TLN2: variants seen among roughly 807,000 people sequenced by gnomAD.
TLN2 encodes talin 2, also known as talin-2.
In TLN2, 118 loss-of-function variants were observed where a neutral mutation model predicts 294.7. The observed-to-expected ratio is 0.40, with a 90% CI of 0.34 to 0.47. The LOEUF (loss-of-function observed/expected upper bound fraction) is 0.47, where lower values mean the gene tolerates loss of function less well. Among genes scored for constraint, TLN2 ranks in the 20% least tolerant of loss-of-function variants. TLN2 has a pLI of 0.84. For missense variants in TLN2, 3,083 were observed against 3,282.2 expected, an observed-to-expected ratio of 0.94 and a Z score of 1.48; for synonymous variants, 1,431 against 1,304.5, an observed-to-expected ratio of 1.10 and a Z score of -2.09.
intron 42 of TLN2, among the ~76,000 whole-genome samples, chr15:62,773,935 T>C (rs2063519136): frequency 6.6e-6 from 1 of 152,122 alleles, no homozygotes; most frequent in South Asian, 2.1e-4. Context: ...ACCGAGGCGT[T>C]TGCAGTGTAG....
Position 62,701,160 on chromosome 15 carries a change from T to G in TLN2, c.1642T>G (p.Ser548Ala). ...KVDESKHEIH[S>A]QVDAITAGTA... ...CGACGAATCCAAACACGAAATCCAT[T>G]CTCAAGTTGATGCTATCACGGCCGG... Residue 548 changes from serine (S) to alanine (A), a missense_variant, in exon 17 of 59, where the codon TCT becomes GCT. Ser to Ala is a moderately conservative substitution (Grantham distance 99). Transcript: ENST00000636159. 6.2e-7 allele frequency: 1 copy of G among 1,614,158 alleles called. No individual in the cohort carries two copies. Among genetic ancestry groups the G allele is most frequent in the Non-Finnish European group, 8.5e-7 (1 of 1,180,030 alleles).
chr15:62,830,391 G>A (rs1192699370), intron 54 of TLN2: 1 of 152,578 alleles, frequency 6.6e-6, no homozygotes, highest in East Asian at 1.9e-4. Context: ...CAGTCTCTCA[G>A]CTGCAGTGGG....
chr15:62,545,698 C>A (rs2041959060), intron 1 of TLN2, among the ~76,000 whole-genome samples: 1 of 152,164 alleles, frequency 6.6e-6, no homozygotes, highest in African/African-American at 2.4e-5. Context: ...AGCCTGAAAT[C>A]CATATTGCTC....
At chr15:62,440,100 G>A (rs978629509) in intron 1 of TLN2, among the ~76,000 whole-genome samples, 1 of 152,144 alleles carries the variant, frequency 6.6e-6, no homozygotes, top group African/African-American at 2.4e-5. Context: ...TGAAGAACCC[G>A]CCATGTGCTG....
intron 51 of TLN2, among the ~76,000 whole-genome samples, chr15:62,808,956 G>A (rs983725976): frequency 6.6e-6 from 1 of 152,188 alleles, no homozygotes; most frequent in Non-Finnish European, 1.5e-5. Flanking sequence ...GGGCTTGAGT[G>A]GATAAAACAT....
chr15:62,712,852 A>G (rs1303126242), intron 22 of TLN2, among the ~76,000 whole-genome samples: 4 of 152,204 alleles, frequency 2.6e-5, no homozygotes, highest in South Asian at 4.2e-4. Flanking sequence ...TTTATTGTGT[A>G]CCTAGCACAC....
chr15:62,774,940 GT>G (rs1367723321), intron 42 of TLN2, among the ~76,000 whole-genome samples: 11 of 146,754 alleles, frequency 7.5e-5, no homozygotes, highest in Non-Finnish European at 1.6e-4. Context: ...ATATGAATGT[GT>G]AGAATTGCTG....
chr15:62,822,612 CCT>C (rs527797674), intron 54 of TLN2, among the ~76,000 whole-genome samples: 121 of 152,328 alleles, frequency 7.9e-4, no homozygotes, highest in Middle Eastern at 3.4e-3. Context: ...CATACCAGCC[CCT>C]GTTTCCCACC....
At chr15:62,616,030 G>T (rs1279551451) in intron 2 of TLN2, among the ~76,000 whole-genome samples, 4 of 152,068 alleles carry the variant, frequency 2.6e-5, no homozygotes. Context: ...TTTGTATCAT[G>T]ATACTTGTTT....
intron 2 of TLN2, among the ~76,000 whole-genome samples, chr15:62,608,323 T>C (rs566644982): frequency 1.3e-4 from 20 of 152,256 alleles, no homozygotes; most frequent in African/African-American, 2.6e-4. Flanking sequence ...GTTAGACTTC[T>C]CCCTAAGAAT....
intron 42 of TLN2, 74 bp from the exon 43 acceptor site, chr15:62,776,690 T>C: frequency 7.7e-7 from 1 of 1,304,342 alleles, no homozygotes; most frequent in South Asian, 2.6e-5. Context: ...ATATTCTACT[T>C]TTGAAGGTTA....
At chr15:62,491,351 T>TACACACACACACACACACAC (rs1166046640) in intron 1 of TLN2, among the ~76,000 whole-genome samples, 2 of 100,302 alleles carry the variant, frequency 2.0e-5, no homozygotes, top group African/African-American at 8.8e-5. Flanking sequence ...TATATATATA[T>TACACACACACACACACACAC]ACACACACAC....
rs555995247 is a variant in TLN2 at position 62,792,771 on chromosome 15, G to A, written c.5867G>A (p.Arg1956His). 2.5e-5 allele frequency: 40 copies of A among 1,614,006 alleles called. 1 individual carries two copies. The highest frequency in any genetic ancestry group is 1.7e-4 in the Middle Eastern group (1 of 6,054). Residue 1956 changes from arginine (R) to histidine (H), a missense_variant, in exon 46 of 59, where the codon CGT (arginine) becomes CAT (histidine). Coordinates refer to ENST00000636159, the MANE Select transcript of TLN2 (RefSeq NM_015059.3). ...AAGAGGGAGCTGATCGAATGCGCCC[G>A]TGCCGTCACGGAAAAGGTAAGGAGC... ...YTKRELIECA[R>H]AVTEKVSLVL...
chr15:62,639,742 C>T (rs2140910033), intron 3 of TLN2, among the ~76,000 whole-genome samples: 1 of 152,082 alleles, frequency 6.6e-6, no homozygotes, highest in Non-Finnish European at 1.5e-5. Flanking sequence ...GGGAGCCTCT[C>T]CACTCAGGCC....
At chr15:62,565,590 G>A (rs1272526833) in intron 1 of TLN2, among the ~76,000 whole-genome samples, 1 of 152,184 alleles carries the variant, frequency 6.6e-6, no homozygotes, top group Non-Finnish European at 1.5e-5. Flanking sequence ...TCATCTGAAT[G>A]AACTTAAAAC....
At chr15:62,563,009 G>A (rs1171122458) in intron 1 of TLN2, among the ~76,000 whole-genome samples, 1 of 149,556 alleles carries the variant, frequency 6.7e-6, no homozygotes, top group Admixed American at 6.7e-5. Flanking sequence ...TGGGCATTTG[G>A]GCTGGTTCCA....
At chr15:62,504,815 TGG>T (rs1481739526) in intron 1 of TLN2, among the ~76,000 whole-genome samples, 2 of 114,034 alleles carry the variant, frequency 1.8e-5, no homozygotes, top group Non-Finnish European at 3.5e-5. Context: ...AAGTAGTTGG[TGG>T]GGTGTGTGTG....
At chr15:62,685,205 T>C (rs941048891) in intron 11 of TLN2, among the ~76,000 whole-genome samples, 1 of 152,146 alleles carries the variant, frequency 6.6e-6, no homozygotes, top group Admixed American at 6.5e-5. Context: ...CTATATTCTG[T>C]TTTTTAATAA....
chr15:62,463,915 A>G (rs1479646146), intron 1 of TLN2, among the ~76,000 whole-genome samples: 1 of 152,088 alleles, frequency 6.6e-6, no homozygotes, highest in East Asian at 1.9e-4. Flanking sequence ...ACAAATAAAA[A>G]CCAGGAAACA....
Sources: allele counts gnomAD v4.1 joint callset (sites outside exome capture counted in the v4.1 genomes callset), GRCh38; gene constraint gnomAD v4.1.1; transcripts MANE v1.5; gene names NCBI Gene and HGNC (gene_info 2026-07-23, HGNC 2026-07-21).